The following NXNL2 variants were observed in gnomAD, a reference collection of about 807,000 sequenced individuals.
NXNL2 encodes nucleoredoxin like 2.
In NXNL2, 7 loss-of-function variants were observed where a neutral mutation model predicts 11.1. That is an observed-to-expected ratio of 0.63 (90% CI 0.36 to 1.18). The LOEUF is 1.18. NXNL2 is among the 50% of genes most tolerant of loss of function. NXNL2 has a pLI of 0.02. For synonymous variants in NXNL2, 109 were observed against 101.8 expected, an observed-to-expected ratio of 1.07 and a Z score of -0.42; for missense variants, 233 against 217.7, an observed-to-expected ratio of 1.07 and a Z score of -0.44.
chr9:88,550,504 C>T lies in NXNL2; in HGVS notation c.302+14768C>T, dbSNP rs192583520. ...AAAGGCGGGAGGCAGAGGTTACATGCAAAGTAATAAATGAATACATGGAAG... is the reference window on the plus strand; with the variant it reads ...AAAGGCGGGAGGCAGAGGTTACATGTAAAGTAATAAATGAATACATGGAAG... On this transcript the variant is annotated intron_variant, in intron 1 of 2. Coordinates refer to the NXNL2 transcript ENST00000375855. Among the ~76,000 whole-genome samples, 22 of 152,254 alleles carry T rather than the reference C, an allele frequency of 1.4e-4. No homozygotes were observed. In the East Asian group the frequency reaches 4.2e-3, roughly 29 times the overall value.
At chr9:88,546,395 T>C (rs145685113), downstream of NXNL2, among the ~76,000 whole-genome samples, 645 of 151,042 alleles carry the variant, frequency 4.3e-3, 6 homozygotes, top group South Asian at 0.022. Flanking sequence ...GAACCATTAT[T>C]ACTCCCTGAA....
downstream of NXNL2, among the ~76,000 whole-genome samples, chr9:88,579,749 G>A (rs368061906): frequency 6.6e-6 from 1 of 152,148 alleles, no homozygotes; most frequent in Non-Finnish European, 1.5e-5. Context: ...GTGAGAGAAG[G>A]GGGTGAGTGG....
chr9:88,581,654 C>G (rs1830409785), intron 1 of NXNL2, among the ~76,000 whole-genome samples: 1 of 152,146 alleles, frequency 6.6e-6, no homozygotes, highest in Non-Finnish European at 1.5e-5. Context: ...CGGGGTTTCT[C>G]CATGTTCGTC....
chr9:88,546,869 C>T (rs142740702), downstream of NXNL2, among the ~76,000 whole-genome samples: 64 of 152,248 alleles, frequency 4.2e-4, no homozygotes, highest in Admixed American at 8.5e-4. Context: ...TCACTGTGGA[C>T]GAACATCAGG....
Position 88,544,497 on chromosome 9 carries a change from T to G in NXNL2, c.421T>G (p.Phe141Val). The change falls in exon 2 of 2, where the codon TTC (phenylalanine) becomes GTC (valine). Residue 141 changes from phenylalanine (F) to valine (V), a missense_variant. Physicochemically the swap from Phe to Val is conservative, Grantham distance 50. Transcript: ENST00000375854. Reference sequence around the variant, plus strand: ...GATCCGGGAACGGGGGTTGGCCTGCTTCCAGGACTGGGTGGAGGCGGCCGA... The same window carrying G: ...GATCCGGGAACGGGGGTTGGCCTGCGTCCAGGACTGGGTGGAGGCGGCCGA... ...KQIRERGLAC[F>V]QDWVEAADIF... The G allele has an allele frequency of 9.7e-6, 15 of 1,551,270 alleles. No individual in the cohort carries two copies. The highest frequency in any genetic ancestry group is 1.3e-5 in the Non-Finnish European group (15 of 1,146,778).
In NXNL2 at chr9:88,535,589, A is replaced by G. The variant is rs764792759; in HGVS notation, c.155A>G (p.Tyr52Cys). The change falls in exon 1 of 2, where the codon TAT becomes TGT. Residue 52 changes from tyrosine to cysteine, a missense_variant. Transcript: ENST00000375854. ...TTCACGCCGCTGCTCTGCGACTTCT[A>G]TACGGCGCTGGTGGCCGAGGCGCGG... ...RDFTPLLCDF[Y>C]TALVAEARRP... 15 of 1,609,580 alleles carry G rather than the reference A, an allele frequency of 9.3e-6. No homozygotes were observed. The East Asian group carries it at 2.0e-4, about 22-fold the overall frequency.
intron 2 of NXNL2, among the ~76,000 whole-genome samples, chr9:88,573,885 T>C (rs372183928): frequency 3.3e-5 from 5 of 152,160 alleles, no homozygotes; most frequent in African/African-American, 1.2e-4. Flanking sequence ...TAAACGTTAG[T>C]AGTTATCAAA....
intron 1 of NXNL2, among the ~76,000 whole-genome samples, chr9:88,563,553 T>A (rs1830117448): frequency 6.6e-6 from 1 of 152,164 alleles, no homozygotes; most frequent in Admixed American, 6.5e-5. Context: ...CAGTACTCAC[T>A]CCAGACTCCC....
chr9:88,567,574 G>T (rs1830194788), intron 1 of NXNL2, among the ~76,000 whole-genome samples: 1 of 152,112 alleles, frequency 6.6e-6, no homozygotes. Flanking sequence ...TGCCAACCAG[G>T]ACTTTTGTTG....
At chr9:88,570,184 T>A (rs1830239680) in intron 1 of NXNL2, among the ~76,000 whole-genome samples, 1 of 152,162 alleles carries the variant, frequency 6.6e-6, no homozygotes, top group African/African-American at 2.4e-5. Context: ...AGGGGTGTGA[T>A]CTCAGCCCAC....
downstream of NXNL2, among the ~76,000 whole-genome samples, chr9:88,577,406 C>T (rs1432989281): frequency 6.6e-6 from 1 of 152,086 alleles, no homozygotes; most frequent in Non-Finnish European, 1.5e-5. Context: ...TCCAGGTGAG[C>T]ATGTCTACGG....
intron 1 of NXNL2, among the ~76,000 whole-genome samples, chr9:88,541,295 C>T (rs1424701912): frequency 6.6e-6 from 1 of 151,610 alleles, no homozygotes; most frequent in Non-Finnish European, 1.5e-5. Flanking sequence ...GGGTCTTGCA[C>T]CGTCATCCAG....
intron 1 of NXNL2, among the ~76,000 whole-genome samples, chr9:88,541,336 C>T (rs1829756325): frequency 6.6e-6 from 1 of 152,094 alleles, no homozygotes; most frequent in African/African-American, 2.4e-5. Flanking sequence ...TCACAGCTCC[C>T]TGCAACCTCA....
At chr9:88,544,030 A>G (rs1228614116) in intron 1 of NXNL2, among the ~76,000 whole-genome samples, 4 of 152,132 alleles carry the variant, frequency 2.6e-5, no homozygotes, top group Non-Finnish European at 5.9e-5. Context: ...AATTAGCTGG[A>G]TGTGGTGGCA....
rs1829575617 is a variant in NXNL2, at chr9:88,535,230, TG to T, written c.-204del. The T allele has an allele frequency of 7.2e-6, 4 of 559,162 alleles. No homozygotes were observed. The highest frequency in any genetic ancestry group is 6.9e-5 in the South Asian group (3 of 43,392). The allele number at this position is 559,162 out of a possible 1,614,324, so 34.6% of individuals were successfully genotyped here. A position where few individuals can be genotyped will look rare whatever the true frequency, so the allele number is the denominator to read the frequency against. On this transcript the variant is annotated 5_prime_UTR_variant, in exon 1 of 2. Coordinates refer to ENST00000375854, the MANE Select transcript of NXNL2 (RefSeq NM_001161625.2). Reference sequence around the variant, plus strand: ...GTATCTGGGGTCTCTGGTGTCTGAGTGTCTCATTGTCGGCGCGAACACAATT... The same window carrying T: ...GTATCTGGGGTCTCTGGTGTCTGAGTTCTCATTGTCGGCGCGAACACAATT...
chr9:88,544,975 A>G (rs1031451680), downstream of NXNL2: 2 of 827,802 alleles, frequency 2.4e-6, no homozygotes, highest in Middle Eastern at 6.0e-4. Flanking sequence ...GTACTTTAAT[A>G]AACAAGTCTA....
At chr9:88,576,607 C>T (rs1385025973), downstream of NXNL2, among the ~76,000 whole-genome samples, 1 of 152,144 alleles carries the variant, frequency 6.6e-6, no homozygotes, top group Non-Finnish European at 1.5e-5. Flanking sequence ...GGGAGAATGG[C>T]CAATGGAGGT....
At chr9:88,579,340 C>T (rs1479344762), downstream of NXNL2, among the ~76,000 whole-genome samples, 1 of 152,172 alleles carries the variant, frequency 6.6e-6, no homozygotes, top group South Asian at 2.1e-4. Flanking sequence ...AGTTACAGGA[C>T]CCACGGGGTG....
At chr9:88,536,741 TTCC>T (rs1564065289) in intron 1 of NXNL2, among the ~76,000 whole-genome samples, 1 of 152,224 alleles carries the variant, frequency 6.6e-6, no homozygotes, top group Non-Finnish European at 1.5e-5. Flanking sequence ...AATCTAATTA[TTCC>T]CCCAAACATG....
Sources: allele counts gnomAD v4.1 joint callset (sites outside exome capture counted in the v4.1 genomes callset), GRCh38; gene constraint gnomAD v4.1.1; transcripts MANE v1.5; gene names NCBI Gene and HGNC (gene_info 2026-07-23, HGNC 2026-07-21).